The following HMCN2 variants were observed in gnomAD, a reference collection of about 807,000 sequenced individuals.
The protein encoded by HMCN2 is hemicentin-2.
In HMCN2, 325 loss-of-function variants were observed where a neutral mutation model predicts 377.5. The ratio of observed to expected loss-of-function variants is 0.86; its 90% CI spans 0.79 to 0.94. The LOEUF (loss-of-function observed/expected upper bound fraction) is 0.94, where lower values mean the gene tolerates loss of function less well. HMCN2 is among the 40% of genes least tolerant of loss of function. The pLI is 0.00. For missense variants in HMCN2, 4,543 were observed against 4,725.3 expected (o/e 0.96, Z 1.13); for synonymous variants, 2,007 against 2,046.8 (o/e 0.98, Z 0.53).
rs1468547001 is a variant in HMCN2, at chr9:130,379,460, G to A, written c.8424G>A (p.Val2808=). ...TCTCGGCCGGGGATGAGGTGTCTGT[G>A]CTGCAAGGTGGGTCAGGGGTGCGTG... ...QPLSAGDEVS[V]LQGGRVLQIP... is the part of the protein sequence containing the mutation. The change falls in exon 54 of 98, where the codon GTG becomes GTA. Residue 2808 remains valine (V), a synonymous_variant. Coordinates refer to ENST00000683500, the MANE Select transcript of HMCN2 (RefSeq NM_001291815.2). The A allele has an allele frequency of 1.0e-6, 1 of 985,748 alleles. No homozygotes were observed. Among genetic ancestry groups the A allele is most frequent in the Non-Finnish European group, 1.2e-6 (1 of 829,994 alleles). The allele number at this position is 985,748 out of a possible 1,614,324, so 61.1% of individuals were successfully genotyped here. A position where few individuals can be genotyped will look rare whatever the true frequency, so the allele number is the denominator to read the frequency against.
At chr9:130,374,410 ACATCCCCT>A in intron 48 of HMCN2, 84 bp from the exon 49 acceptor site, 1 of 616,118 alleles carries the variant, frequency 1.6e-6, no homozygotes, top group Non-Finnish European at 2.0e-6. Flanking sequence ...TGGAAAATTC[ACATCCCCT>A]GATCCATCTG....
At chr9:130,328,410 G>A (rs1230760278) in intron 22 of HMCN2, among the ~76,000 whole-genome samples, 2 of 152,220 alleles carry the variant, frequency 1.3e-5, no homozygotes, top group African/African-American at 4.8e-5. Context: ...GAGGATGTGT[G>A]TTGATCTATG....
Position 130,391,374 on chromosome 9 carries a change from G to A in HMCN2, c.9827+11G>A. 2.0e-6 allele frequency: 2 copies of A among 987,740 alleles called. No homozygotes were observed. The highest frequency in any genetic ancestry group is 2.4e-6 in the Non-Finnish European group (2 of 830,132). 61.2% of individuals were successfully genotyped at this position (987,740 alleles called of 1,614,324 possible). On this transcript the variant is annotated intron_variant, in intron 64 of 97. Coordinates refer to ENST00000683500, the MANE Select transcript of HMCN2 (RefSeq NM_001291815.2). ...GGGCCCCCACCTCCGGTAAGACTTG[G>A]CCCATGCCCTCCCCAGAGGCGGTAG...
intron 15 of HMCN2, among the ~76,000 whole-genome samples, chr9:130,316,418 G>A (rs1837564731): frequency 6.6e-6 from 1 of 151,768 alleles, no homozygotes; most frequent in Non-Finnish European, 1.5e-5. Context: ...GTGGGTGGGG[G>A]AGGGAGGCAG....
chr9:130,349,745 CTCT>C, intron 29 of HMCN2, 82 bp downstream of exon 29: 1 of 1,232,972 alleles, frequency 8.1e-7, no homozygotes, highest in Non-Finnish European at 1.1e-6. Flanking sequence ...GAAGGTTGAA[CTCT>C]TCTTGGGGAG....
rs1842482061 is a variant in HMCN2 at position 130,394,201 on chromosome 9, CG to C, written c.10502-181del. On this transcript the variant is annotated intron_variant, in intron 68 of 97. Coordinates refer to ENST00000683500, the MANE Select transcript of HMCN2 (RefSeq NM_001291815.2). This position sits in a 1 kb window ranked among gnomAD's most constrained non-coding sequence, Gnocchi z 5.1. ...TCCTTGCCTGCGGGGAGTGGGTGGC[CG>C]GGCTTTGATTCTCCCAGGGCTGTGC... Among the ~76,000 whole-genome samples, 1 of 152,136 alleles carries C rather than the reference CG, an allele frequency of 6.6e-6. No individual in the cohort carries two copies. Among genetic ancestry groups the C allele is most frequent in the Non-Finnish European group, 1.5e-5 (1 of 68,012 alleles).
intron 73 of HMCN2, 142 bp downstream of exon 73, chr9:130,396,455 C>T (rs1404383341): frequency 1.7e-6 from 1 of 601,020 alleles, no homozygotes; most frequent in Non-Finnish European, 2.5e-6. Flanking sequence ...AGGACAGGCC[C>T]ACCACTCATG....
chr9:130,385,645 G>A lies in HMCN2; in HGVS notation c.9192G>A (p.Glu3064=). 7.7e-7 allele frequency: 1 copy of A among 1,304,222 alleles called. No homozygotes were observed. Among genetic ancestry groups the A allele is most frequent in the Non-Finnish European group, 1.0e-6 (1 of 988,924 alleles). 80.8% of individuals were successfully genotyped at this position (1,304,222 alleles called of 1,614,324 possible). ...RVGDKAVLSC[E]TDALPEPTVT... ...GGGACAAAGCTGTCCTGAGCTGCGA[G>A]ACAGATGCGCTCCCTGAGCCAACTG... is the stretch of plus-strand genomic sequence containing the variant. The change falls in exon 60 of 98, where the codon GAG becomes GAA. Residue 3064 remains glutamate, a synonymous_variant. Transcript: ENST00000683500.
chr9:130,281,993 G>T (rs1337763376), intron 1 of HMCN2, among the ~76,000 whole-genome samples: 2 of 152,010 alleles, frequency 1.3e-5, no homozygotes, highest in African/African-American at 4.8e-5. Flanking sequence ...CACTTACAAG[G>T]TATTTAGTAA....
Position 130,402,891 on chromosome 9 carries a change from T to G in HMCN2, c.11873T>G (p.Val3958Gly). ...GCCCACAAGCACGTCTTCCTCACTG[T>G]GCAAGGTAAGGGTCCGTGGTCCAGA... is the stretch of plus-strand genomic sequence containing the variant. Reference protein sequence around the residue: ...GVAHKHVFLTVQASPVVKPLP... With the variant: ...GVAHKHVFLTGQASPVVKPLP... Residue 3958 changes from valine (V) to glycine (G), a missense_variant, in exon 78 of 98, where the codon GTG becomes GGG. Around this residue, in one of 5 missense-constraint regions of HMCN2, gnomAD observed 1,073 missense variants for 1,319.5 expected, o/e 0.81. Coordinates refer to ENST00000683500, the MANE Select transcript of HMCN2 (RefSeq NM_001291815.2). 8 of 1,289,486 alleles carry G rather than the reference T, an allele frequency of 6.2e-6. No homozygotes were observed. Among genetic ancestry groups the G allele is most frequent in the Non-Finnish European group, 8.1e-6 (8 of 988,784 alleles). The allele number at this position is 1,289,486 out of a possible 1,614,324, so 79.9% of individuals were successfully genotyped here.
At chr9:130,288,552 G>C (rs1221564566) in intron 4 of HMCN2, among the ~76,000 whole-genome samples, 1 of 152,204 alleles carries the variant, frequency 6.6e-6, no homozygotes, top group Admixed American at 6.5e-5. Context: ...GCCTCCAGCT[G>C]GGAGAACTCC....
rs370952267 is a variant in HMCN2, at chr9:130,356,743, G to T, written c.5425+486G>T. ...GCCCTCCAACAACTACATTGGGATT[G>T]CTTATTTGGTTGTCCATCTCCACTG... On this transcript the variant is annotated intron_variant, in intron 34 of 97. Coordinates refer to ENST00000683500, the MANE Select transcript of HMCN2 (RefSeq NM_001291815.2). 6.6e-5 allele frequency among the ~76,000 whole-genome samples: 10 copies of T among 152,354 alleles called. No homozygotes were observed. In the East Asian group the frequency reaches 1.7e-3, roughly 26 times the overall value.
At chr9:130,301,447 A>C (rs1347256983) in intron 8 of HMCN2, among the ~76,000 whole-genome samples, 4 of 152,182 alleles carry the variant, frequency 2.6e-5, no homozygotes, top group African/African-American at 9.7e-5. Flanking sequence ...CCCGCCCTCC[A>C]GGTCTGGGAG....
At chr9:130,406,547 C>T (rs918066937) in intron 82 of HMCN2, 2 of 247,618 alleles carry the variant, frequency 8.1e-6, no homozygotes, top group African/African-American at 4.5e-5. Flanking sequence ...TCTAGGGAGA[C>T]ACAGGGCCTG....
chr9:130,313,927 G>A (rs893671477), intron 15 of HMCN2, among the ~76,000 whole-genome samples: 2 of 151,888 alleles, frequency 1.3e-5, no homozygotes, highest in African/African-American at 2.4e-5. Context: ...TTACAGACAC[G>A]CACCACCATT....
rs1188861295 is a variant in HMCN2, at chr9:130,360,109, C to T, written c.5774-319C>T. On this transcript the variant is annotated intron_variant, in intron 37 of 97. Coordinates refer to ENST00000683500, the MANE Select transcript of HMCN2 (RefSeq NM_001291815.2). This position sits in a 1 kb window ranked among gnomAD's most constrained non-coding sequence, Gnocchi z 4.7. ...TCCTGGCTGCCTCAGCCTCTGCCCA[C>T]GGGGCTTCTTCTCCACCCTTGGTCC... 2.6e-5 allele frequency among the ~76,000 whole-genome samples: 4 copies of T among 152,128 alleles called. No homozygotes were observed. The highest frequency in any genetic ancestry group is 6.5e-5 in the Admixed American group (1 of 15,282).
rs1285632161 is a variant in HMCN2, at chr9:130,349,522, C to T, written c.4304-15C>T. On this transcript the variant is annotated splice_polypyrimidine_tract_variant and intron_variant, in intron 28 of 97. Coordinates refer to ENST00000683500, the MANE Select transcript of HMCN2 (RefSeq NM_001291815.2). ...TTTGAACAGTTTCCCACCCCTCACG[C>T]CTTCTCACCCCCAGCCCCTCCTTCC... The T allele has an allele frequency of 7.7e-7, 1 of 1,301,434 alleles. No individual in the cohort carries two copies. Among genetic ancestry groups the T allele is most frequent in the African/African-American group, 1.5e-5 (1 of 65,796 alleles). 80.6% of individuals were successfully genotyped at this position (1,301,434 alleles called of 1,614,324 possible). A position where few individuals can be genotyped will look rare whatever the true frequency, so the allele number is the denominator to read the frequency against.
chr9:130,378,177 C>T (rs930362150), intron 53 of HMCN2, among the ~76,000 whole-genome samples: 2 of 151,804 alleles, frequency 1.3e-5, no homozygotes, highest in African/African-American at 4.8e-5. Flanking sequence ...TTGAAACTGC[C>T]TGTGGGTACC....
chr9:130,425,201 C>T (rs995451484), intron 89 of HMCN2, 71 bp downstream of exon 89: 1 of 1,451,760 alleles, frequency 6.9e-7, no homozygotes. Flanking sequence ...CTCTCAACCA[C>T]CCCTGAGCAG....
Sources: allele counts gnomAD v4.1 joint callset (sites outside exome capture counted in the v4.1 genomes callset), GRCh38; gene constraint gnomAD v4.1.1; regional missense constraint gnomAD v4.1.1; non-coding constraint Gnocchi (gnomAD v3.1); transcripts MANE v1.5; gene names NCBI Gene and HGNC (gene_info 2026-07-23, HGNC 2026-07-21).